Variants in TTLL9 observed in about 807,000 individuals in gnomAD.
TTLL9 encodes the protein tubulin tyrosine ligase like 9, also known as probable tubulin polyglutamylase TTLL9.
A neutral mutation model predicts 65.6 loss-of-function variants in TTLL9; 47 were observed. That is an observed-to-expected ratio of 0.72 (90% confidence interval 0.57 to 0.91). The LOEUF (loss-of-function observed/expected upper bound fraction) is 0.91. Among genes scored for constraint, TTLL9 ranks in the 40% least tolerant of loss-of-function variants. The pLI is 0.00. For synonymous variants in TTLL9, 179 were observed against 204.8 expected (o/e 0.87, Z 1.07); for missense variants, 537 against 568.8 (o/e 0.94, Z 0.57).
chr20:31,925,039 T>C lies in TTLL9; in HGVS notation c.695T>C (p.Leu232Pro). The C allele has an allele frequency of 6.2e-7, 1 of 1,614,018 alleles. No homozygotes were observed. Among genetic ancestry groups the C allele is most frequent in the Non-Finnish European group, 8.5e-7 (1 of 1,179,972 alleles). The change falls in exon 9 of 15, where the codon CTG (leucine) becomes CCG (proline). Residue 232 changes from leucine to proline, a missense_variant. Transcript: ENST00000535842. ...GRKFDLRVYV[L>P]VMSVFAECLL... ...AAGTTTGACCTGCGTGTCTATGTGC[T>C]GGTGATGTCGGTGAGTAACAAAGGT... is the stretch of plus-strand genomic sequence containing the variant.
rs148917180 is a variant in TTLL9 at position 31,934,742 on chromosome 20, C to A, written c.858C>A (p.His286Gln). ...TCCGGCAGTACCTGGCGTCCAAACA[C>A]GGGCCCGAGGCAGTGGAGACACTCT... is the stretch of plus-strand genomic sequence containing the variant. Reference protein sequence around the residue: ...QRFRQYLASKHGPEAVETLFR... With the variant: ...QRFRQYLASKQGPEAVETLFR... Residue 286 changes from histidine to glutamine, a missense_variant, in exon 12 of 15, where the codon CAC becomes CAA. By Grantham distance (24) the His-to-Gln change is conservative. Around this residue, in one of 3 missense-constraint regions of TTLL9, gnomAD observed 205 missense variants for 225.9 expected, o/e 0.91. Coordinates refer to ENST00000535842, the MANE Select transcript of TTLL9 (RefSeq NM_001008409.5). The A allele has an allele frequency of 1.9e-6, 3 of 1,612,590 alleles. No individual in the cohort carries two copies. The highest frequency in any genetic ancestry group is 2.2e-5 in the South Asian group (2 of 91,024).
At chr20:31,906,738 C>G (rs532571273) in intron 4 of TTLL9, among the ~76,000 whole-genome samples, 1 of 152,190 alleles carries the variant, frequency 6.6e-6, no homozygotes, top group African/African-American at 2.4e-5. Context: ...CAACCTCCAC[C>G]CCCCTGCTCA....
intron 3 of TTLL9, among the ~76,000 whole-genome samples, chr20:31,891,134 G>T (rs7266721): frequency 1.3e-5 from 2 of 152,038 alleles, no homozygotes; most frequent in Non-Finnish European, 2.9e-5. Context: ...ACTAAAAACC[G>T]CCCGGTGACC....
intron 7 of TTLL9, among the ~76,000 whole-genome samples, chr20:31,920,154 A>G (rs1236969229): frequency 6.6e-6 from 1 of 151,986 alleles, no homozygotes; most frequent in African/African-American, 2.4e-5. Flanking sequence ...AAGTTACTTC[A>G]CCTGTCAGTG....
Position 31,894,098 on chromosome 20 carries a change from C to CTTTTT in TTLL9, c.114-4356_114-4352dup, listed in dbSNP as rs1162101774. On this transcript the variant is annotated intron_variant, in intron 3 of 14. Coordinates refer to ENST00000535842, the MANE Select transcript of TTLL9 (RefSeq NM_001008409.5). Reference sequence around the variant, plus strand: ...TCCCTTCTAGAATTTCCATTTGGTTCTTTTTTTTTTTTTTTTTTTTTTTGA... The same window carrying CTTTTT: ...TCCCTTCTAGAATTTCCATTTGGTTCTTTTTTTTTTTTTTTTTTTTTTTTTTTTGA... Among the ~76,000 whole-genome samples the CTTTTT allele has an allele frequency of 2.1e-4, 19 of 92,090 alleles. 1 individual carries two copies. Among genetic ancestry groups the CTTTTT allele is most frequent in the African/African-American group, 2.9e-4 (7 of 23,964 alleles). 60.4% of individuals were successfully genotyped at this position (92,090 alleles called of 152,430 possible).
intron 10 of TTLL9, among the ~76,000 whole-genome samples, chr20:31,930,012 C>G (rs1403987760): frequency 6.6e-6 from 1 of 152,120 alleles, no homozygotes. Context: ...CCTGTAATCC[C>G]AGCTACTCGG....
At chr20:31,941,183 C>G (rs2064200402) in intron 14 of TTLL9, 1 of 146,346 alleles carries the variant, frequency 6.8e-6, no homozygotes, top group East Asian at 2.0e-4. Context: ...CGCCACTGCA[C>G]TCCAGCCTGG....
At position 31,898,862 on chromosome 20, in the gene TTLL9, T is replaced by C; in HGVS notation, c.206+297T>C. ...TTCAAACCCAGGCACGTTTGTGTCC[T>C]GTGGTTTTCAGTAGAAACTAGGAAT... On this transcript the variant is annotated intron_variant, in intron 4 of 14. Coordinates refer to ENST00000535842, the MANE Select transcript of TTLL9 (RefSeq NM_001008409.5). Among the ~76,000 whole-genome samples the C allele has an allele frequency of 1.3e-5, 2 of 152,258 alleles. 1 individual carries two copies. The highest frequency in any genetic ancestry group is 1.3e-4 in the Admixed American group (2 of 15,290).
intron 2 of TTLL9, among the ~76,000 whole-genome samples, chr20:31,879,308 G>A (rs1306285080): frequency 6.6e-6 from 1 of 152,150 alleles, no homozygotes; most frequent in Non-Finnish European, 1.5e-5. Flanking sequence ...GCGACACAGC[G>A]AGACTCCGTC....
chr20:31,909,612 C>T, intron 5 of TTLL9, 125 bp from the exon 6 acceptor site: 1 of 790,056 alleles, frequency 1.3e-6, no homozygotes, highest in Non-Finnish European at 2.0e-6. Context: ...CAAAGTTACT[C>T]TTACTGTTGC....
Position 31,889,968 on chromosome 20 carries a change from CTCTCTCTTTCTTTCTTTCTT to C in TTLL9, c.113+2733_113+2752del, listed in dbSNP as rs1393122934. Among the ~76,000 whole-genome samples, 12 of 129,820 alleles carry C rather than the reference CTCTCTCTTTCTTTCTTTCTT, an allele frequency of 9.2e-5. 1 individual carries two copies. The highest frequency in any genetic ancestry group is 2.4e-4 in the South Asian group (1 of 4,194). 85.2% of individuals were successfully genotyped at this position (129,820 alleles called of 152,430 possible). ...AGGGGAGGGAAGAATCAAGCCACAT[CTCTCTCTTTCTTTCTTTCTT>C]TCTTTCTTTCTTTCTTTCTTTCTTT... On this transcript the variant is annotated intron_variant, in intron 3 of 14. Transcript: ENST00000535842.
intron 3 of TTLL9, among the ~76,000 whole-genome samples, chr20:31,890,096 CCCTCCCTTCCTTCCTTCCTTCCTT>C (rs2063276377): frequency 5.4e-5 from 4 of 73,882 alleles, no homozygotes; most frequent in African/African-American, 2.1e-4. Flanking sequence ...TGCTTTCTTT[CCCTCCCTTCCTTCCTTCCTTCCTT>C]CCTTCCTTCC....
intron 3 of TTLL9, among the ~76,000 whole-genome samples, chr20:31,894,504 A>G (rs551869922): frequency 2.0e-5 from 3 of 152,148 alleles, no homozygotes. Context: ...AATGATTCTG[A>G]TAACTGGGTC....
intron 14 of TTLL9, chr20:31,939,940 A>G (rs1399229422): frequency 1.3e-5 from 2 of 152,240 alleles, no homozygotes; most frequent in Non-Finnish European, 2.9e-5. Flanking sequence ...AAATTACCAT[A>G]TGGCTGCAAA....
chr20:31,934,961 C>T (rs1298547123), intron 12 of TTLL9, 73 bp downstream of exon 12: 10 of 1,365,732 alleles, frequency 7.3e-6, no homozygotes, highest in South Asian at 1.3e-5. Flanking sequence ...AGGTTTGAAT[C>T]CCAGCTCTGC....
At chr20:31,877,034 G>A (rs2063046914) in intron 2 of TTLL9, among the ~76,000 whole-genome samples, 1 of 152,012 alleles carries the variant, frequency 6.6e-6, no homozygotes, top group Admixed American at 6.5e-5. Flanking sequence ...TATATCCTTT[G>A]CCCATTTTTC....
intron 11 of TTLL9, chr20:31,934,183 T>C (rs2064067202): frequency 2.0e-6 from 1 of 497,548 alleles, no homozygotes; most frequent in Non-Finnish European, 3.8e-6. Flanking sequence ...ATATTTTATC[T>C]CTCTGTCTAT....
chr20:31,934,413 G>A (rs1207069018), intron 11 of TTLL9: 1 of 602,542 alleles, frequency 1.7e-6, no homozygotes, highest in Non-Finnish European at 3.1e-6. Context: ...CACATGGTCA[G>A]TGTGGTCTGT....
chr20:31,902,628 T>C (rs1250975233), intron 4 of TTLL9, among the ~76,000 whole-genome samples: 2 of 152,248 alleles, frequency 1.3e-5, no homozygotes, highest in Non-Finnish European at 2.9e-5. Flanking sequence ...TGGGCTGTTA[T>C]ACATGATGCT....
Sources: gnomAD v4.1 joint callset for allele counts (sites outside exome capture counted in the v4.1 genomes callset) on GRCh38, gnomAD v4.1.1 for gene constraint, gnomAD v4.1.1 regional missense constraint, MANE v1.5 for transcripts, NCBI Gene and HGNC (gene_info 2026-07-23, HGNC 2026-07-21) for gene names.